Variants in SHFL observed in about 807,000 individuals in gnomAD.
SHFL encodes shiftless antiviral inhibitor of ribosomal frameshifting.
SHFL carries 12 observed loss-of-function variants against 34.7 expected under a neutral mutation model. The ratio of observed to expected loss-of-function variants is 0.35; its 90% confidence interval spans 0.22 to 0.56. The LOEUF is 0.56. SHFL is among the 20% of genes least tolerant of loss of function. The pLI is 0.88. For synonymous variants in SHFL, 148 were observed against 156.0 expected (o/e 0.95, Z 0.38); for missense variants, 278 against 411.1 (o/e 0.68, Z 2.80).
In SHFL at chr19:10,092,243, AAGGAGGAGG is replaced by A. The variant is rs569120318; in HGVS notation, c.825_833del (p.Glu279_Glu281del). The A allele has an allele frequency of 1.2e-6, 2 of 1,610,838 alleles. No homozygotes were observed. The highest frequency in any genetic ancestry group is 1.7e-5 in the Admixed American group (1 of 59,196). Reference sequence around the variant, plus strand: ...GGACAACCTCATCCTGGAGGACCTGAAGGAGGAGGAGGAGGAAGAGGAGGAGGTGGAGGA... The same window carrying A: ...GGACAACCTCATCCTGGAGGACCTGAAGGAGGAAGAGGAGGAGGTGGAGGA... On this transcript the variant is annotated inframe_deletion, in exon 8 of 8. Coordinates refer to ENST00000253110, the MANE Select transcript of SHFL (RefSeq NM_018381.4).
Position 10,091,297 on chromosome 19 carries a change from T to C in SHFL, c.432T>C (p.Ala144=). Residue 144 remains alanine (A), a synonymous_variant, in exon 6 of 8, where the codon GCT becomes GCC. Coordinates refer to ENST00000253110, the MANE Select transcript of SHFL (RefSeq NM_018381.4). This position sits in a 1 kb window ranked among gnomAD's most constrained non-coding sequence, Gnocchi z 8.2. ...GGAAGCGCTACGAGCCAGTGCCAGC[T>C]GACAAGATGTGGGGCCTGGCTGAGT... The part of the protein sequence containing the change: ...KCRKRYEPVP[A]DKMWGLAEFH... 2 of 1,613,930 alleles carry C rather than the reference T, an allele frequency of 1.2e-6. No individual in the cohort carries two copies. The highest frequency in any genetic ancestry group is 1.7e-6 in the Non-Finnish European group (2 of 1,179,850).
intron 5 of SHFL, 100 bp downstream of exon 5, chr19:10,090,147 T>C (rs1378859748): frequency 3.6e-5 from 48 of 1,333,288 alleles, no homozygotes; most frequent in Non-Finnish European, 5.0e-5. Flanking sequence ...TTTCAATCAC[T>C]GAGAGTCCAA....
In SHFL at chr19:10,087,286, G is replaced by A. The variant is rs527942731; in HGVS notation, c.181G>A (p.Asp61Asn). Residue 61 changes from aspartate (D) to asparagine (N), a missense_variant, in exon 3 of 8, where the codon GAT (aspartate) becomes AAT (asparagine). Asp to Asn is a conservative substitution (Grantham distance 23). Around this residue, in one of 2 missense-constraint regions of SHFL, gnomAD observed 243 missense variants for 386.2 expected, o/e 0.63. Transcript: ENST00000253110. The part of the protein sequence containing the change: ...KQKDGQELSN[D>N]LDAQDPPEDM... Reference sequence around the variant, plus strand: ...AAAAGATGGCCAAGAACTAAGTAACGATCTGGATGCCCAGGTAACCTATCC... The same window carrying A: ...AAAAGATGGCCAAGAACTAAGTAACAATCTGGATGCCCAGGTAACCTATCC... 3.1e-6 allele frequency: 5 copies of A among 1,614,050 alleles called. No homozygotes were observed. In the South Asian group the frequency reaches 5.5e-5, roughly 18 times the overall value.
chr19:10,087,819 TTGAATGAATGAA>T (rs61613120), intron 3 of SHFL: 18,019 of 155,254 alleles, frequency 0.12, 1,146 homozygotes, highest in African/African-American at 0.18. Context: ...AACCCTTGTG[TTGAATGAATGAA>T]TGAATGAATG....
chr19:10,088,332 A>C (rs1398458096), intron 3 of SHFL: 1 of 150,502 alleles, frequency 6.6e-6, no homozygotes, highest in Non-Finnish European at 1.5e-5. Flanking sequence ...TGGGAGGCCA[A>C]GGCGGGCGGA....
chr19:10,087,070 C>A lies in SHFL; in HGVS notation c.145+18C>A, dbSNP rs768908147. The A allele has an allele frequency of 9.3e-6, 15 of 1,607,244 alleles. No homozygotes were observed. In the South Asian group the frequency reaches 1.5e-4, roughly 17 times the overall value. ...CGTGTACGGTGAGGCTGCAGGGGTC[C>A]CGGGCCTGGTGCGGGGACCGCGCGT... On this transcript the variant is annotated intron_variant, in intron 2 of 7. Coordinates refer to ENST00000253110, the MANE Select transcript of SHFL (RefSeq NM_018381.4).
At position 10,092,533 on chromosome 19, in the gene SHFL, C is replaced by T; in HGVS notation, c.*231C>T. The T allele has an allele frequency of 6.5e-7, 1 of 1,549,022 alleles. No individual in the cohort carries two copies. Among genetic ancestry groups the T allele is most frequent in the Middle Eastern group, 1.8e-4 (1 of 5,510 alleles). On this transcript the variant is annotated 3_prime_UTR_variant, in exon 8 of 8. Coordinates refer to ENST00000253110, the MANE Select transcript of SHFL (RefSeq NM_018381.4). The stretch of plus-strand genomic sequence containing the variant: ...CACAAAGAAGGTGTGGCCAGAACAA[C>T]TTGGGCTCCTGCTGACCAATGTCCT...
At position 10,091,448 on chromosome 19, in the gene SHFL, G is replaced by T; in HGVS notation, c.489-28G>T. ...CCCACCCTGGCCCAGCCTCGCCCTC[G>T]GACCCTCACAGCCCTGCCCGCCCCC... is the stretch of plus-strand genomic sequence containing the variant. On this transcript the variant is annotated intron_variant, in intron 6 of 7. Transcript: ENST00000253110. The surrounding 1 kb of genome is among the most constrained non-coding windows in gnomAD (Gnocchi z 8.2). 7.5e-7 allele frequency: 1 copy of T among 1,336,004 alleles called. No homozygotes were observed. The highest frequency in any genetic ancestry group is 9.9e-7 in the Non-Finnish European group (1 of 1,015,190). The allele number at this position is 1,336,004 out of a possible 1,614,324, so 82.8% of individuals were successfully genotyped here.
Position 10,092,727 on chromosome 19 carries a change from G to C in SHFL, c.*425G>C, listed in dbSNP as rs376237087. 1.9e-6 allele frequency: 3 copies of C among 1,613,380 alleles called. No homozygotes were observed. Among genetic ancestry groups the C allele is most frequent in the South Asian group, 1.1e-5 (1 of 91,066 alleles). ...GGTGCCACACACCGTTGAGGTTGGA[G>C]TGGGCACAGGCATGGTACCACCAGC... On this transcript the variant is annotated 3_prime_UTR_variant, in exon 8 of 8. Transcript: ENST00000253110.
Position 10,086,824 on chromosome 19 carries a change from CA to C in SHFL, c.22-101del. 1.4e-6 allele frequency: 2 copies of C among 1,411,068 alleles called. No homozygotes were observed. The highest frequency in any genetic ancestry group is 1.3e-5 in the South Asian group (1 of 74,458). The allele number at this position is 1,411,068 out of a possible 1,614,324, so 87.4% of individuals were successfully genotyped here. A position where few individuals can be genotyped will look rare whatever the true frequency, so the allele number is the denominator to read the frequency against. On this transcript the variant is annotated intron_variant, in intron 1 of 7. Coordinates refer to ENST00000253110, the MANE Select transcript of SHFL (RefSeq NM_018381.4). The surrounding 1 kb of genome is among the most constrained non-coding windows in gnomAD (Gnocchi z 5.2). ...AAGGCGGGGGGGGGGCGGCGGAGGC[CA>C]AAACCAAGGGTCAAGTTCGGGCCGG...
chr19:10,089,589 C>G, intron 3 of SHFL, 68 bp from the exon 4 acceptor site: 6 of 1,551,404 alleles, frequency 3.9e-6, no homozygotes, highest in Non-Finnish European at 5.2e-6. Flanking sequence ...CGGGGGCCTC[C>G]CCCAGCAAAC....
rs193207725 is a variant in SHFL, at chr19:10,091,833, G to A, written c.643+203G>A. The A allele has an allele frequency of 5.3e-5, 48 of 905,846 alleles. No individual in the cohort carries two copies. In the East Asian group the frequency reaches 1.2e-3, roughly 23 times the overall value. The allele number at this position is 905,846 out of a possible 1,614,324, so 56.1% of individuals were successfully genotyped here. A position where few individuals can be genotyped will look rare whatever the true frequency, so the allele number is the denominator to read the frequency against. ...GTGGCCCGTGCCTGAGGGTCCCCATGGCCTCTGCCCCCATGGTCTCTGGGT... is the reference window on the plus strand; with the variant it reads ...GTGGCCCGTGCCTGAGGGTCCCCATAGCCTCTGCCCCCATGGTCTCTGGGT... On this transcript the variant is annotated intron_variant, in intron 7 of 7. Coordinates refer to ENST00000253110, the MANE Select transcript of SHFL (RefSeq NM_018381.4). The surrounding 1 kb of genome is among the most constrained non-coding windows in gnomAD (Gnocchi z 8.2).
At position 10,089,790 on chromosome 19, in the gene SHFL, A is replaced by C. The variant is rs532630915; in HGVS notation, c.234+95A>C. On this transcript the variant is annotated intron_variant, in intron 4 of 7. Transcript: ENST00000253110. ...CATTAGGGCAGGAGGGGAGATATTC[A>C]CTGGGGCAGGAAGAGGACTCGTCTG... 9.3e-5 allele frequency: 145 copies of C among 1,555,640 alleles called. No homozygotes were observed. The African/African-American group carries it at 1.8e-3, about 20-fold the overall frequency.
In SHFL at chr19:10,089,898, G is replaced by T; in HGVS notation, c.235G>T (p.Ala79Ser). 1 of 1,610,834 alleles carries T rather than the reference G, an allele frequency of 6.2e-7. No homozygotes were observed. The highest frequency in any genetic ancestry group is 8.5e-7 in the Non-Finnish European group (1 of 1,178,848). Residue 79 changes from alanine (A) to serine (S), a missense_variant and splice_region_variant, in exon 5 of 8, where the codon GCA (alanine) becomes TCA (serine). Transcript: ENST00000253110. ...CATCCCCACCTGCCCCATTCCACAG[G>T]CAGTGGCGACCTCCCTCCTGCCACT... ...EDMKQDRDIQ[A>S]VATSLLPLTE... is the part of the protein sequence containing the mutation.
chr19:10,087,916 T>C (rs1488144449), intron 3 of SHFL: 1 of 159,516 alleles, frequency 6.3e-6, no homozygotes, highest in East Asian at 1.9e-4. Flanking sequence ...GCTTTGGTGA[T>C]GGGAACGCTG....
rs762374478 is a variant in SHFL, at chr19:10,091,369, C to T, written c.488+16C>T. ...ACAACTTCCGGTGAGGGCGCTGACC[C>T]CCAGCTCCCCCTCAGCCCTGCCCTA... On this transcript the variant is annotated intron_variant, in intron 6 of 7. Coordinates refer to ENST00000253110, the MANE Select transcript of SHFL (RefSeq NM_018381.4). This position sits in a 1 kb window ranked among gnomAD's most constrained non-coding sequence, Gnocchi z 8.2. 1 of 1,607,748 alleles carries T rather than the reference C, an allele frequency of 6.2e-7. No individual in the cohort carries two copies. Among genetic ancestry groups the T allele is most frequent in the Non-Finnish European group, 8.5e-7 (1 of 1,175,540 alleles).
intron 5 of SHFL, among the ~76,000 whole-genome samples, chr19:10,090,847 G>A (rs1028051902): frequency 1.4e-4 from 21 of 151,744 alleles, no homozygotes; most frequent in Non-Finnish European, 2.4e-4. Context: ...GGTCGAGGCT[G>A]CAGTAAGCCA....
rs765364092 is a variant in SHFL at position 10,087,079 on chromosome 19, G to C, written c.145+27G>C. On this transcript the variant is annotated intron_variant, in intron 2 of 7. Coordinates refer to ENST00000253110, the MANE Select transcript of SHFL (RefSeq NM_018381.4). ...TGAGGCTGCAGGGGTCCCGGGCCTG[G>C]TGCGGGGACCGCGCGTGGGAGCGCC... 1.9e-6 allele frequency: 3 copies of C among 1,603,944 alleles called. No homozygotes were observed. The South Asian group carries it at 3.3e-5, about 18-fold the overall frequency.
In SHFL at chr19:10,086,695, C is replaced by A; in HGVS notation, c.22-234C>A. On this transcript the variant is annotated intron_variant, in intron 1 of 7. Coordinates refer to ENST00000253110, the MANE Select transcript of SHFL (RefSeq NM_018381.4). The surrounding 1 kb of genome is among the most constrained non-coding windows in gnomAD (Gnocchi z 5.2). ...AGGTCAGAGGCCAGAGATAACCTGG[C>A]CGCCCCCCCACACCTTAGGCTGGGA... 1 of 599,984 alleles carries A rather than the reference C, an allele frequency of 1.7e-6. No homozygotes were observed. The highest frequency in any genetic ancestry group is 2.3e-5 in the South Asian group (1 of 43,122). 37.2% of individuals were successfully genotyped at this position (599,984 alleles called of 1,614,324 possible).
Sources: gnomAD v4.1 joint callset for allele counts (sites outside exome capture counted in the v4.1 genomes callset) on GRCh38, gnomAD v4.1.1 for gene constraint, gnomAD v4.1.1 regional missense constraint, Gnocchi (gnomAD v3.1) non-coding constraint, MANE v1.5 for transcripts, NCBI Gene and HGNC (gene_info 2026-07-23, HGNC 2026-07-21) for gene names.